SGMS1: variants seen among roughly 807,000 people sequenced by gnomAD.
The protein encoded by SGMS1 is sphingomyelin synthase 1.
In SGMS1, 13 loss-of-function variants were observed where a neutral mutation model predicts 46.2. That is an observed-to-expected ratio of 0.28 (90% CI 0.18 to 0.45). The LOEUF (loss-of-function observed/expected upper bound fraction) is 0.45, where lower values mean the gene tolerates loss of function less well. Among genes scored for constraint, SGMS1 ranks in the 20% least tolerant of loss-of-function variants. The pLI, the probability that SGMS1 is intolerant of heterozygous loss-of-function variation, is 1.00. For synonymous variants in SGMS1, 203 were observed against 187.8 expected, an observed-to-expected ratio of 1.08 and a Z score of -0.66; for missense variants, 324 against 519.9, an observed-to-expected ratio of 0.62 and a Z score of 3.66.
chr10:50,344,444 T>C (rs1847880640), intron 6 of SGMS1, 99 bp from the exon 7 acceptor site: 1 of 229,072 alleles, frequency 4.4e-6, no homozygotes, highest in Non-Finnish European at 8.5e-6. Context: ...AAACCAGTTA[T>C]TGGTAAACTT....
At chr10:50,599,450 T>A (rs1421329643) in intron 1 of SGMS1, among the ~76,000 whole-genome samples, 1 of 144,988 alleles carries the variant, frequency 6.9e-6, no homozygotes, top group East Asian at 2.0e-4. Flanking sequence ...ATTAAGAATA[T>A]GACTGTTAAG....
At chr10:50,557,685 C>CAAAAAAAAAAAAAAAAA (rs5784835) in intron 2 of SGMS1, among the ~76,000 whole-genome samples, 1 of 114,888 alleles carries the variant, frequency 8.7e-6, no homozygotes, top group Non-Finnish European at 1.8e-5. Flanking sequence ...ACTCTAACAG[C>CAAAAAAAAAAAAAAAAA]AAAAAAAAAA....
intron 3 of SGMS1, among the ~76,000 whole-genome samples, chr10:50,511,517 G>T (rs1223555843): frequency 6.6e-6 from 1 of 152,120 alleles, no homozygotes; most frequent in Non-Finnish European, 1.5e-5. Flanking sequence ...GAAATTCACT[G>T]AAGACTTCTT....
chr10:50,375,862 T>C (rs906541363), intron 6 of SGMS1, among the ~76,000 whole-genome samples: 9 of 152,054 alleles, frequency 5.9e-5, no homozygotes, highest in Non-Finnish European at 1.3e-4. Context: ...CCTAACTAGT[T>C]TTCCTCACAT....
intron 6 of SGMS1, among the ~76,000 whole-genome samples, chr10:50,354,924 T>C (rs1051773771): frequency 2.0e-5 from 3 of 152,132 alleles, no homozygotes; most frequent in African/African-American, 7.2e-5. Context: ...ATGGAGATCA[T>C]TAAAAAGTCA....
chr10:50,525,847 C>T (rs1430742881), intron 2 of SGMS1, among the ~76,000 whole-genome samples: 2 of 152,156 alleles, frequency 1.3e-5, no homozygotes, highest in African/African-American at 2.4e-5. Flanking sequence ...TGACTTTCTC[C>T]AAAGCAAGAC....
intron 1 of SGMS1, among the ~76,000 whole-genome samples, chr10:50,597,876 G>T (rs1838610212): frequency 6.6e-6 from 1 of 152,008 alleles, no homozygotes; most frequent in South Asian, 2.1e-4. Flanking sequence ...GCCAGGCTTG[G>T]TGGTGAATGC....
intron 3 of SGMS1, among the ~76,000 whole-genome samples, chr10:50,469,072 T>C (rs1444693268): frequency 6.6e-6 from 1 of 152,224 alleles, no homozygotes; most frequent in Non-Finnish European, 1.5e-5. Context: ...TTGTCCAAGG[T>C]TGCAAATTTG....
rs1369753366 is a variant in SGMS1, at chr10:50,344,076, T to C, written c.39A>G (p.Ala13=). ...EVVYWSPKKV[A]DWLLENAMPE... ...GCATAGCATTCTCCAGCAGCCAGTC[T>C]GCCACCTTCTTGGGTGACCAATAAA... The change falls in exon 7 of 11, where the codon GCA becomes GCG. Residue 13 remains alanine (A), a synonymous_variant. Transcript: ENST00000361781. 4 of 1,613,894 alleles carry C rather than the reference T, an allele frequency of 2.5e-6. No homozygotes were observed. The East Asian group carries it at 8.9e-5, about 36-fold the overall frequency.
At chr10:50,416,841 A>ACT in intron 6 of SGMS1, among the ~76,000 whole-genome samples, 1 of 106,670 alleles carries the variant, frequency 9.4e-6, no homozygotes, top group Non-Finnish European at 2.3e-5. Context: ...TAGAACTAAA[A>ACT]AAAAAAAAAA....
intron 2 of SGMS1, among the ~76,000 whole-genome samples, chr10:50,545,874 A>G (rs1194299231): frequency 1.3e-5 from 2 of 152,246 alleles, no homozygotes; most frequent in African/African-American, 2.4e-5. Flanking sequence ...AATTTAGACC[A>G]TATCAGCCTC....
At chr10:50,400,308 C>T (rs1848913656) in intron 6 of SGMS1, among the ~76,000 whole-genome samples, 2 of 150,586 alleles carry the variant, frequency 1.3e-5, no homozygotes, top group Admixed American at 6.6e-5. Context: ...TTTTTTGCCT[C>T]TGCAAATTGA....
At position 50,366,389 on chromosome 10, in the gene SGMS1, G is replaced by T. The variant is rs536973704; in HGVS notation, c.-231-22044C>A. 7.2e-5 allele frequency among the ~76,000 whole-genome samples: 11 copies of T among 152,320 alleles called. No individual in the cohort carries two copies. The East Asian group carries it at 2.1e-3, about 29-fold the overall frequency. On this transcript the variant is annotated intron_variant, in intron 6 of 10. Transcript: ENST00000361781. ...TAGTTCAACCATTGTGGAACACAGT[G>T]TGGTGATTCCTCAAGGATCTAGAAC...
intron 1 of SGMS1, among the ~76,000 whole-genome samples, chr10:50,613,431 A>G (rs919619569): frequency 6.6e-6 from 1 of 152,216 alleles, no homozygotes; most frequent in African/African-American, 2.4e-5. Context: ...AAACTGGCCC[A>G]TAGGGGATTT....
intron 5 of SGMS1, among the ~76,000 whole-genome samples, chr10:50,457,285 C>T (rs1277327271): frequency 6.6e-6 from 1 of 152,136 alleles, no homozygotes; most frequent in East Asian, 1.9e-4. Context: ...AAACTGGAAG[C>T]ATCTTTACCA....
chr10:50,606,945 T>C (rs1199481430), intron 1 of SGMS1, among the ~76,000 whole-genome samples: 4 of 152,054 alleles, frequency 2.6e-5, no homozygotes, highest in Non-Finnish European at 4.4e-5. Flanking sequence ...GAATGTCTGG[T>C]TATTATATAA....
At chr10:50,608,493 C>A (rs1445187551) in intron 1 of SGMS1, among the ~76,000 whole-genome samples, 1 of 152,130 alleles carries the variant, frequency 6.6e-6, no homozygotes, top group African/African-American at 2.4e-5. Context: ...TTTCAGGGGA[C>A]GCTACTCAGT....
At position 50,488,148 on chromosome 10, in the gene SGMS1, G is replaced by T. The variant is rs190272802; in HGVS notation, c.-497-21216C>A. ...CCTGCCTCAGCCTTCCAGGTAGCTG[G>T]GATTATAAGCGCCCGCCACCATGCC... On this transcript the variant is annotated intron_variant, in intron 3 of 10. Transcript: ENST00000361781. Among the ~76,000 whole-genome samples the T allele has an allele frequency of 7.0e-4, 106 of 151,956 alleles. 1 individual carries two copies. The highest frequency in any genetic ancestry group is 1.3e-3 in the Non-Finnish European group (90 of 67,954).
intron 5 of SGMS1, among the ~76,000 whole-genome samples, chr10:50,446,701 T>C (rs1254441768): frequency 6.6e-6 from 1 of 152,056 alleles, no homozygotes; most frequent in African/African-American, 2.4e-5. Context: ...AGAGGCAAAA[T>C]CTACTGATAG....
Sources: gnomAD v4.1 joint callset for allele counts (sites outside exome capture counted in the v4.1 genomes callset) on GRCh38, gnomAD v4.1.1 for gene constraint, MANE v1.5 for transcripts, NCBI Gene and HGNC (gene_info 2026-07-23, HGNC 2026-07-21) for gene names.